Variants in LINGO2 observed in about 807,000 individuals in gnomAD.
The protein encoded by LINGO2 is leucine rich repeat and Ig domain containing 2, also known as leucine-rich repeat and immunoglobulin-like domain-containing nogo receptor-interacting protein 2.
A neutral mutation model predicts 30.6 loss-of-function variants in LINGO2; 14 were observed. The observed-to-expected ratio is 0.46, with a 90% confidence interval of 0.30 to 0.72. The LOEUF (loss-of-function observed/expected upper bound fraction) is 0.72, where lower values mean the gene tolerates loss of function less well. Ranked by LOEUF, LINGO2 falls within the 30% of genes least tolerant of loss-of-function variation. The probability of loss-of-function intolerance (pLI) is 0.07; values close to 1 mark genes in which losing one functional copy is unlikely to be tolerated. For synonymous variants in LINGO2, 317 were observed against 288.5 expected (o/e 1.10, Z -1.00); for missense variants, 729 against 751.7 (o/e 0.97, Z 0.35).
chr9:28,686,648 G>C, the LINGO2 span, among the ~76,000 whole-genome samples: 17 of 152,016 alleles, frequency 1.1e-4, no homozygotes, highest in Non-Finnish European at 2.4e-4. Flanking sequence ...TTTTGGTAAT[G>C]AATAGTCAAT....
intron 1 of LINGO2, among the ~76,000 whole-genome samples, chr9:28,589,640 T>G (rs780907667): frequency 2.6e-5 from 4 of 151,864 alleles, no homozygotes; most frequent in Non-Finnish European, 4.4e-5. Flanking sequence ...CACTGCTCAA[T>G]GAAATAAAAG....
At chr9:28,392,592 G>GGT (rs1821883738) in intron 2 of LINGO2, among the ~76,000 whole-genome samples, 1 of 152,152 alleles carries the variant, frequency 6.6e-6, no homozygotes, top group Non-Finnish European at 1.5e-5. Context: ...AACACCTGGA[G>GGT]GTGTTCATCA....
the LINGO2 span, among the ~76,000 whole-genome samples, chr9:29,137,707 T>C: frequency 6.6e-6 from 1 of 152,140 alleles, no homozygotes; most frequent in Non-Finnish European, 1.5e-5. Context: ...GCTGAGGTTA[T>C]AAATTTTCAC....
At chr9:28,759,476 A>T in the LINGO2 span, among the ~76,000 whole-genome samples, 1 of 151,796 alleles carries the variant, frequency 6.6e-6, no homozygotes, top group Admixed American at 6.6e-5. Context: ...AGGTCAGGAG[A>T]TCGAGACCAT....
chr9:29,061,171 AGAG>A, the LINGO2 span, among the ~76,000 whole-genome samples: 4 of 152,108 alleles, frequency 2.6e-5, no homozygotes, highest in African/African-American at 7.2e-5. Context: ...TCAACAATAG[AGAG>A]GAGAAGCTGT....
intron 3 of LINGO2, among the ~76,000 whole-genome samples, chr9:28,316,043 A>C (rs1476388340): frequency 6.6e-6 from 1 of 151,874 alleles, no homozygotes; most frequent in Non-Finnish European, 1.5e-5. Flanking sequence ...TCATTTACAA[A>C]TACAGATAAT....
chr9:28,610,068 T>C (rs1191460193), intron 1 of LINGO2, among the ~76,000 whole-genome samples: 1 of 151,998 alleles, frequency 6.6e-6, no homozygotes, highest in Non-Finnish European at 1.5e-5. Context: ...GGTTACCCCA[T>C]TGGAAGGTAG....
the LINGO2 span, among the ~76,000 whole-genome samples, chr9:28,788,288 G>C: frequency 6.6e-6 from 1 of 152,192 alleles, no homozygotes; most frequent in Admixed American, 6.5e-5. Context: ...ACAGTGAACT[G>C]TGTCAGAAGG....
chr9:28,364,520 C>T (rs959334872), intron 3 of LINGO2, among the ~76,000 whole-genome samples: 11 of 152,166 alleles, frequency 7.2e-5, no homozygotes, highest in African/African-American at 2.4e-4. Flanking sequence ...AGGCACCTGC[C>T]ATTTTATATA....
chr9:29,204,479 T>C, the LINGO2 span, among the ~76,000 whole-genome samples: 1 of 152,202 alleles, frequency 6.6e-6, no homozygotes. Context: ...ACCCAGGGCC[T>C]ACCTACTCCA....
chr9:28,733,784 C>T, the LINGO2 span, among the ~76,000 whole-genome samples: 1 of 152,052 alleles, frequency 6.6e-6, no homozygotes, highest in South Asian at 2.1e-4. Context: ...GAGGTGAACA[C>T]ACCTGTATTT....
the LINGO2 span, among the ~76,000 whole-genome samples, chr9:29,141,911 G>A: frequency 6.6e-6 from 1 of 151,732 alleles, no homozygotes; most frequent in Admixed American, 6.6e-5. Flanking sequence ...AATATATGAA[G>A]CAAATATTGA....
At chr9:28,084,411 C>G (rs2133232275) in intron 4 of LINGO2, among the ~76,000 whole-genome samples, 1 of 152,106 alleles carries the variant, frequency 6.6e-6, no homozygotes, top group South Asian at 2.1e-4. Flanking sequence ...GGATGAGTCT[C>G]CATTCCAAAG....
chr9:29,174,307 A>G, the LINGO2 span, among the ~76,000 whole-genome samples: 1 of 152,212 alleles, frequency 6.6e-6, no homozygotes, highest in East Asian at 1.9e-4. Context: ...CAGATGATAA[A>G]TAAGAAGTAA....
rs759810178 is a variant in LINGO2 at position 28,657,520 on chromosome 9, G to C, written c.-365+12680C>G. Among the ~76,000 whole-genome samples, 43 of 151,828 alleles carry C rather than the reference G, an allele frequency of 2.8e-4. 1 individual carries two copies. The highest frequency in any genetic ancestry group is 5.3e-4 in the Non-Finnish European group (36 of 67,912). On this transcript the variant is annotated intron_variant, in intron 1 of 5. Coordinates refer to ENST00000379992, the Ensembl canonical transcript of LINGO2. ...TCTACAAATTTGTCCATTTCATTAA[G>C]ATTATCCAATTTGTTGGCATACAAT...
chr9:28,692,961 A>G, the LINGO2 span, among the ~76,000 whole-genome samples: 9,700 of 152,218 alleles, frequency 0.064, 466 homozygotes, highest in Admixed American at 0.18. Flanking sequence ...AATATAGTTT[A>G]TTATATTAAG....
chr9:29,188,260 C>A, the LINGO2 span, among the ~76,000 whole-genome samples: 6,336 of 151,642 alleles, frequency 0.042, 186 homozygotes, highest in Admixed American at 0.076. Flanking sequence ...TTTAACAAAG[C>A]ACATCTTGCA....
the LINGO2 span, among the ~76,000 whole-genome samples, chr9:29,013,853 T>G: frequency 6.6e-6 from 1 of 152,282 alleles, no homozygotes; most frequent in East Asian, 1.9e-4. Context: ...TTATTTGTAG[T>G]GTGTAATGTG....
the LINGO2 span, among the ~76,000 whole-genome samples, chr9:29,060,659 A>G: frequency 6.6e-6 from 1 of 152,062 alleles, no homozygotes; most frequent in African/African-American, 2.4e-5. Context: ...AAATGGAAAG[A>G]TAGTTCATAG....
Sources: gnomAD v4.1 joint callset for allele counts (sites outside exome capture counted in the v4.1 genomes callset) on GRCh38, gnomAD v4.1.1 for gene constraint, MANE v1.5 for transcripts, NCBI Gene and HGNC (gene_info 2026-07-23, HGNC 2026-07-21) for gene names.